The following GRIK1 variants were observed in gnomAD, a reference collection of about 807,000 sequenced individuals.
GRIK1 encodes glutamate ionotropic receptor kainate type subunit 1.
In GRIK1, 69 loss-of-function variants were observed where a neutral mutation model predicts 105.7. The observed-to-expected ratio is 0.65, with a 90% CI of 0.54 to 0.80. The LOEUF (loss-of-function observed/expected upper bound fraction) is 0.80, where lower values mean the gene tolerates loss of function less well. Ranked by LOEUF, GRIK1 falls within the 30% of genes least tolerant of loss-of-function variation. The pLI is 0.00. For synonymous variants in GRIK1, 438 were observed against 431.3 expected (o/e 1.02, Z -0.19); for missense variants, 1,109 against 1,167.3 (o/e 0.95, Z 0.73).
At chr21:29,856,247 G>A (rs1050430083) in intron 1 of GRIK1, among the ~76,000 whole-genome samples, 2 of 152,122 alleles carry the variant, frequency 1.3e-5, no homozygotes, top group African/African-American at 2.4e-5. Context: ...CTGTGTGGAG[G>A]AAGATGAACC....
At chr21:29,596,921 T>C (rs1011261834) in intron 8 of GRIK1, 1 of 292,514 alleles carries the variant, frequency 3.4e-6, no homozygotes, top group African/African-American at 2.2e-5. Context: ...CTAAAATCAA[T>C]CAATTAACCA....
chr21:29,786,725 C>T (rs1260457904), intron 1 of GRIK1, among the ~76,000 whole-genome samples: 2 of 152,176 alleles, frequency 1.3e-5, no homozygotes, highest in African/African-American at 4.8e-5. Flanking sequence ...CAGGAAGCTT[C>T]CTCAAAGCAC....
intron 4 of GRIK1, among the ~76,000 whole-genome samples, chr21:29,656,354 C>CAAAAAAAA (rs3054331): frequency 0.011 from 550 of 51,052 alleles, 79 homozygotes; most frequent in Non-Finnish European, 0.016. Flanking sequence ...GAGCGAGACT[C>CAAAAAAAA]AAAAAAAAAA....
intron 1 of GRIK1, among the ~76,000 whole-genome samples, chr21:29,915,072 CT>C (rs1285514889): frequency 1.3e-5 from 2 of 151,956 alleles, no homozygotes; most frequent in Non-Finnish European, 2.9e-5. Flanking sequence ...CAAAAAATGA[CT>C]GTCAATTAAT....
intron 1 of GRIK1, among the ~76,000 whole-genome samples, chr21:29,723,419 A>G (rs1004733838): frequency 6.6e-6 from 1 of 152,224 alleles, no homozygotes; most frequent in Non-Finnish European, 1.5e-5. Context: ...TTAGTAAGCT[A>G]TTGAGCTATA....
chr21:29,728,014 T>A (rs911808977), intron 1 of GRIK1, among the ~76,000 whole-genome samples: 1 of 152,168 alleles, frequency 6.6e-6, no homozygotes, highest in Admixed American at 6.5e-5. Context: ...GTTTAGGCCC[T>A]CAATGGGTGA....
intron 1 of GRIK1, among the ~76,000 whole-genome samples, chr21:29,712,121 C>CACACACAT (rs2146819548): frequency 6.6e-6 from 1 of 150,454 alleles, no homozygotes; most frequent in Admixed American, 6.7e-5. Flanking sequence ...CACACACACA[C>CACACACAT]ACATATATAT....
chr21:29,850,973 T>C (rs2068285257), intron 1 of GRIK1, among the ~76,000 whole-genome samples: 1 of 152,212 alleles, frequency 6.6e-6, no homozygotes, highest in African/African-American at 2.4e-5. Context: ...ATTCCTACCT[T>C]TTATTACTGT....
chr21:29,687,557 C>T (rs956765800), intron 3 of GRIK1, among the ~76,000 whole-genome samples: 7 of 151,962 alleles, frequency 4.6e-5, no homozygotes, highest in Non-Finnish European at 7.4e-5. Flanking sequence ...TCTCAATGGG[C>T]GACATACGAA....
rs982527203 is a variant in GRIK1 at position 29,782,315 on chromosome 21, T to C, written c.119-88252A>G. ...GTTAGCCAGGATGGTCTCGATCTCC[T>C]GACCTTGTGATCTGCCCTCCTTGGC... On this transcript the variant is annotated intron_variant, in intron 1 of 17. Transcript: ENST00000327783. 1.5e-4 allele frequency among the ~76,000 whole-genome samples: 23 copies of C among 152,136 alleles called. 1 individual carries two copies. The highest frequency in any genetic ancestry group is 2.9e-4 in the Non-Finnish European group (20 of 68,020).
intron 1 of GRIK1, among the ~76,000 whole-genome samples, chr21:29,830,683 T>C (rs933572842): frequency 1.3e-5 from 2 of 152,134 alleles, no homozygotes; most frequent in African/African-American, 4.8e-5. Context: ...ACATAATAAG[T>C]GCAAGGTAAA....
chr21:29,840,544 C>T (rs192448015), intron 1 of GRIK1, among the ~76,000 whole-genome samples: 2 of 152,176 alleles, frequency 1.3e-5, no homozygotes, highest in Admixed American at 1.3e-4. Flanking sequence ...TAAGAGGGTG[C>T]CTATTGCAGG....
At chr21:29,865,304 A>AT (rs2068767328) in intron 1 of GRIK1, among the ~76,000 whole-genome samples, 1 of 220 alleles carries the variant, frequency 4.5e-3, no homozygotes, top group South Asian at 0.1. Flanking sequence ...CATTTCTCAC[A>AT]TCCCACTCCA....
intron 1 of GRIK1, among the ~76,000 whole-genome samples, chr21:29,773,192 G>A (rs994019850): frequency 2.6e-5 from 4 of 152,156 alleles, no homozygotes; most frequent in South Asian, 2.1e-4. Flanking sequence ...CAGGGCTCTC[G>A]TCTGCTTTGT....
chr21:29,608,662 G>C lies in GRIK1; in HGVS notation c.1099-9725C>G, dbSNP rs3026020. 6.7e-3 allele frequency among the ~76,000 whole-genome samples: 1,022 copies of C among 151,982 alleles called. 12 individuals are homozygous for C. Among genetic ancestry groups the C allele is most frequent in the African/African-American group, 0.023 (959 of 41,450 alleles). On this transcript the variant is annotated intron_variant, in intron 7 of 17. Transcript: ENST00000327783. ...ACACTTTCATTCCCATCATCAACAC[G>C]TGGTTTCTGCTTTACTCTCATGTTT...
At chr21:29,601,854 C>G (rs1568871818) in intron 7 of GRIK1, among the ~76,000 whole-genome samples, 2 of 152,196 alleles carry the variant, frequency 1.3e-5, no homozygotes, top group Non-Finnish European at 2.9e-5. Context: ...ATTGTGTTCT[C>G]TTTAGTATTT....
chr21:29,750,433 C>T (rs1339822791), intron 1 of GRIK1, among the ~76,000 whole-genome samples: 3 of 152,168 alleles, frequency 2.0e-5, no homozygotes, highest in African/African-American at 7.2e-5. Flanking sequence ...CGACAGGAGG[C>T]ATCTGGTAGG....
At chr21:29,672,424 T>A (rs1337931079) in intron 4 of GRIK1, among the ~76,000 whole-genome samples, 3 of 152,200 alleles carry the variant, frequency 2.0e-5, no homozygotes, top group Non-Finnish European at 2.9e-5. Context: ...TATATAGGAT[T>A]TCACAATTTA....
chr21:29,795,773 T>G (rs2066538418), intron 1 of GRIK1, among the ~76,000 whole-genome samples: 1 of 152,194 alleles, frequency 6.6e-6, no homozygotes, highest in African/African-American at 2.4e-5. Flanking sequence ...TTCTAATAAT[T>G]TAATGTATTT....
Sources: gnomAD v4.1 joint callset for allele counts (sites outside exome capture counted in the v4.1 genomes callset) on GRCh38, gnomAD v4.1.1 for gene constraint, MANE v1.5 for transcripts, NCBI Gene and HGNC (gene_info 2026-07-23, HGNC 2026-07-21) for gene names.